The following PTPRB variants were observed in gnomAD, a reference collection of about 807,000 sequenced individuals.
PTPRB encodes protein tyrosine phosphatase receptor type B, also known as receptor-type tyrosine-protein phosphatase beta.
In PTPRB, 97 loss-of-function variants were observed where a neutral mutation model predicts 238.1. The observed-to-expected ratio is 0.41, with a 90% CI of 0.35 to 0.48. The LOEUF is 0.48. PTPRB is among the 20% of genes least tolerant of loss of function. The pLI, the probability that PTPRB is intolerant of heterozygous loss-of-function variation, is 0.30. For synonymous variants in PTPRB, 970 were observed against 995.4 expected (o/e 0.97, Z 0.48); for missense variants, 2,292 against 2,681.9 (o/e 0.85, Z 3.21).
chr12:70,577,557 A>G (rs539035999), intron 10 of PTPRB, among the ~76,000 whole-genome samples: 1 of 152,346 alleles, frequency 6.6e-6, no homozygotes, highest in African/African-American at 2.4e-5. Flanking sequence ...GGGTTAAAAT[A>G]TTACAGTATA....
Position 70,590,224 on chromosome 12 carries a change from T to C in PTPRB, c.1790A>G (p.Lys597Arg). Residue 597 changes from lysine to arginine, a missense_variant, in exon 8 of 34, where the codon AAA becomes AGA. Transcript: ENST00000334414. ...ATTGTTTGCCTCCAGGTTTGCAACT[T>C]TGTCTGGAACTAAACGGTGAAATGA... ...KMAVGRTFPDKVANLEANNNG... is the reference protein window; with the variant it reads ...KMAVGRTFPDRVANLEANNNG... The C allele has an allele frequency of 6.4e-7, 1 of 1,566,416 alleles. No homozygotes were observed. The highest frequency in any genetic ancestry group is 8.7e-7 in the Non-Finnish European group (1 of 1,155,534).
rs751538046 is a variant in PTPRB, at chr12:70,544,602, G to A, written c.5449C>T (p.Leu1817Phe). Reference sequence around the variant, plus strand: ...AAAGAAAAAAATGTGTCTGAATAGAGTGGCTTTGTGAATTCCTTCAGGTCC... The same window carrying A: ...AAAGAAAAAAATGTGTCTGAATAGAATGGCTTTGTGAATTCCTTCAGGTCC... ...DEDLKEFTKP[L>F]YSDTFFSLPI... The change falls in exon 22 of 34, where the codon CTC becomes TTC. Residue 1817 changes from leucine to phenylalanine, a missense_variant. Transcript: ENST00000334414. 6.2e-7 allele frequency: 1 copy of A among 1,611,202 alleles called. No homozygotes were observed. Among genetic ancestry groups the A allele is most frequent in the South Asian group, 1.1e-5 (1 of 90,602 alleles).
At chr12:70,581,896 T>C (rs568982977) in intron 9 of PTPRB, among the ~76,000 whole-genome samples, 1 of 151,980 alleles carries the variant, frequency 6.6e-6, no homozygotes, top group African/African-American at 2.4e-5. Context: ...ATATGTCTCA[T>C]AAAGGTTACA....
In PTPRB at chr12:70,594,463, T is replaced by C; in HGVS notation, c.1516+4A>G. The stretch of plus-strand genomic sequence containing the variant: ...TCTTCTTCAGCTAGCTAGGGGGAAC[T>C]TACCTGTCCTGACTAGTTTCCACCT... On this transcript the variant is annotated splice_donor_region_variant and intron_variant, in intron 6 of 33. Transcript: ENST00000334414. 1 of 1,612,784 alleles carries C rather than the reference T, an allele frequency of 6.2e-7. No individual in the cohort carries two copies. Among genetic ancestry groups the C allele is most frequent in the East Asian group, 2.2e-5 (1 of 44,836 alleles).
At chr12:70,624,472 C>T (rs1281265771) in intron 2 of PTPRB, among the ~76,000 whole-genome samples, 1 of 152,106 alleles carries the variant, frequency 6.6e-6, no homozygotes, top group African/African-American at 2.4e-5. Flanking sequence ...TTTATTCGTC[C>T]TTGGGGTGTT....
chr12:70,552,310 C>G (rs1876995437), intron 21 of PTPRB, among the ~76,000 whole-genome samples: 1 of 151,868 alleles, frequency 6.6e-6, no homozygotes, highest in Admixed American at 6.6e-5. Context: ...ATGGTGAAAC[C>G]CCATCTCTAC....
intron 2 of PTPRB, among the ~76,000 whole-genome samples, chr12:70,633,249 C>T (rs1456098182): frequency 3.9e-5 from 6 of 152,126 alleles, no homozygotes; most frequent in Admixed American, 3.9e-4. Flanking sequence ...TCAGTGAGCT[C>T]TCATGATATA....
At position 70,569,744 on chromosome 12, in the gene PTPRB, G is replaced by A; in HGVS notation, c.3565C>T (p.Gln1189Ter). 6.2e-7 allele frequency: 1 copy of A among 1,613,886 alleles called. No homozygotes were observed. The highest frequency in any genetic ancestry group is 8.5e-7 in the Non-Finnish European group (1 of 1,179,862). Residue 1189 changes from glutamine to a stop codon, truncating the protein, a stop_gained, in exon 14 of 34, where the codon CAG (glutamine) becomes TAG (stop). Transcript: ENST00000334414. LOFTEE classifies it high-confidence loss of function. Reference sequence around the variant, plus strand: ...ACTGAGGCAATCATGATCTGGTACTGCTCCCCGGCCTCCAGTCTGTGGAAC... The same window carrying A: ...ACTGAGGCAATCATGATCTGGTACTACTCCCCGGCCTCCAGTCTGTGGAAC... ...HTFHRLEAGE[Q>*]YQIMIASVSG...
rs754807145 is a variant in PTPRB, at chr12:70,596,353, A to AC, written c.980-27dup. The AC allele has an allele frequency of 3.3e-6, 4 of 1,196,282 alleles. No individual in the cohort carries two copies. In the African/African-American group the frequency reaches 7.2e-5, roughly 22 times the overall value. 74.1% of individuals were successfully genotyped at this position (1,196,282 alleles called of 1,614,324 possible). A position where few individuals can be genotyped will look rare whatever the true frequency, so the allele number is the denominator to read the frequency against. ...CTGCAAGGCAAATACACACACACACACAAAAAAAAAAAAGAAAGAAAAAGA... is the reference window on the plus strand; with the variant it reads ...CTGCAAGGCAAATACACACACACACACCAAAAAAAAAAAAGAAAGAAAAAGA... On this transcript the variant is annotated intron_variant, in intron 4 of 33. Coordinates refer to ENST00000334414, the MANE Select transcript of PTPRB (RefSeq NM_001109754.4).
chr12:70,615,856 C>A (rs1287270691), intron 3 of PTPRB, among the ~76,000 whole-genome samples: 2 of 152,142 alleles, frequency 1.3e-5, no homozygotes, highest in African/African-American at 2.4e-5. Context: ...AAAAGGAAAT[C>A]AAAAACAGTC....
Position 70,594,627 on chromosome 12 carries a change from C to A in PTPRB, c.1356G>T (p.Leu452=), listed in dbSNP as rs1053868718. 6.2e-6 allele frequency: 10 copies of A among 1,613,922 alleles called. 1 individual carries two copies. The East Asian group carries it at 6.7e-5, about 11-fold the overall frequency. The change falls in exon 6 of 34, where the codon CTG becomes CTT. Residue 452 remains leucine, a synonymous_variant. Transcript: ENST00000334414. The stretch of plus-strand genomic sequence containing the variant: ...CTAGGATCCCTTTATCCATTAGCAT[C>A]AGCCGGTATCGTTCCACATTCCCAG... ...HGSGNVERYR[L]MLMDKGILVH...
At chr12:70,551,041 G>A (rs546415150) in intron 21 of PTPRB, among the ~76,000 whole-genome samples, 8 of 152,166 alleles carry the variant, frequency 5.3e-5, no homozygotes, top group South Asian at 4.1e-4. Flanking sequence ...GATTACAGGC[G>A]TGCACCACCG....
chr12:70,521,305 A>G lies in PTPRB; in HGVS notation c.*184T>C, dbSNP rs866820470. On this transcript the variant is annotated 3_prime_UTR_variant, in exon 34 of 34. Coordinates refer to ENST00000334414, the MANE Select transcript of PTPRB (RefSeq NM_001109754.4). ...ACATATTTACAGAAGAAACTACAAA[A>G]TACAACTATGTACAATAATATCTGT... 13 of 439,080 alleles carry G rather than the reference A, an allele frequency of 3.0e-5. No homozygotes were observed. The Middle Eastern group carries it at 3.0e-3, about 100-fold the overall frequency. 27.2% of individuals were successfully genotyped at this position (439,080 alleles called of 1,614,324 possible). A position where few individuals can be genotyped will look rare whatever the true frequency, so the allele number is the denominator to read the frequency against.
At chr12:70,618,095 T>C (rs1884760307) in intron 3 of PTPRB, among the ~76,000 whole-genome samples, 1 of 152,024 alleles carries the variant, frequency 6.6e-6, no homozygotes, top group African/African-American at 2.4e-5. Flanking sequence ...TTCTTGTTTG[T>C]TTTTTGTTTG....
intron 32 of PTPRB, among the ~76,000 whole-genome samples, chr12:70,526,826 C>G (rs1176337074): frequency 6.6e-6 from 1 of 152,210 alleles, no homozygotes; most frequent in Admixed American, 6.5e-5. Context: ...TGAATGAACT[C>G]TAGTGCATCT....
At chr12:70,625,905 T>C (rs777687317) in intron 2 of PTPRB, among the ~76,000 whole-genome samples, 1 of 152,180 alleles carries the variant, frequency 6.6e-6, no homozygotes, top group Non-Finnish European at 1.5e-5. Context: ...GCTCTTTTTA[T>C]AGGGTACTAT....
intron 31 of PTPRB, among the ~76,000 whole-genome samples, chr12:70,533,795 C>T (rs1163254909): frequency 6.6e-6 from 1 of 152,138 alleles, no homozygotes; most frequent in East Asian, 1.9e-4. Flanking sequence ...GAGGACACAG[C>T]CTTTGTCTGC....
chr12:70,592,321 C>G lies in PTPRB; in HGVS notation c.1741G>C (p.Gly581Arg), dbSNP rs376676811. ...GCCATCTTCTGAGCAGACAGTTCAC[C>G]AGAGACACAGCTGACAGTAACTTGA... ...LYQVTVSCVS[G>R]ELSAQKMAVG... The change falls in exon 7 of 34, where the codon GGT becomes CGT. Residue 581 changes from glycine to arginine, a missense_variant. This residue lies in a region of PTPRB where 1,205 missense variants were observed against 1,287.8 expected (regional missense o/e 0.94). Coordinates refer to ENST00000334414, the MANE Select transcript of PTPRB (RefSeq NM_001109754.4). 1 of 1,613,890 alleles carries G rather than the reference C, an allele frequency of 6.2e-7. No homozygotes were observed. Among genetic ancestry groups the G allele is most frequent in the East Asian group, 2.2e-5 (1 of 44,896 alleles).
intron 9 of PTPRB, among the ~76,000 whole-genome samples, chr12:70,582,950 C>T (rs1592531697): frequency 6.6e-6 from 1 of 152,190 alleles, no homozygotes; most frequent in East Asian, 1.9e-4. Flanking sequence ...TTCTCAAACC[C>T]ATTAGACATT....
Sources: gnomAD v4.1 joint callset for allele counts (sites outside exome capture counted in the v4.1 genomes callset) on GRCh38, gnomAD v4.1.1 for gene constraint, gnomAD v4.1.1 regional missense constraint, MANE v1.5 for transcripts, NCBI Gene and HGNC (gene_info 2026-07-23, HGNC 2026-07-21) for gene names.